The following SLC28A3 variants were observed in gnomAD, a reference collection of about 807,000 sequenced individuals.
SLC28A3 encodes concentrative Na(+)-nucleoside cotransporter 3.
A neutral mutation model predicts 84.2 loss-of-function variants in SLC28A3; 68 were observed. The observed-to-expected ratio is 0.81, with a 90% CI of 0.66 to 0.99. The LOEUF (loss-of-function observed/expected upper bound fraction) is 0.99. Ranked by LOEUF, SLC28A3 falls within the 50% of genes least tolerant of loss-of-function variation. SLC28A3 has a pLI of 0.00. For synonymous variants in SLC28A3, 267 were observed against 303.6 expected, an observed-to-expected ratio of 0.88 and a Z score of 1.25; for missense variants, 712 against 841.5, an observed-to-expected ratio of 0.85 and a Z score of 1.90.
intron 15 of SLC28A3, 120 bp downstream of exon 15, chr9:84,280,681 G>A (rs751528997): frequency 5.6e-6 from 5 of 900,070 alleles, no homozygotes; most frequent in Non-Finnish European, 8.7e-6. Context: ...ATAGACCCCA[G>A]AGGACTCATG....
chr9:84,298,766 G>A (rs1274573344), intron 6 of SLC28A3, among the ~76,000 whole-genome samples: 2 of 152,160 alleles, frequency 1.3e-5, no homozygotes. Flanking sequence ...CAACCTGTAA[G>A]TGAATTAAGT....
chr9:84,320,291 A>G (rs982971295), intron 1 of SLC28A3, among the ~76,000 whole-genome samples: 4 of 151,844 alleles, frequency 2.6e-5, no homozygotes, highest in Non-Finnish European at 1.5e-5. Flanking sequence ...CTGGCCTCAA[A>G]TAATCCACCT....
intron 1 of SLC28A3, among the ~76,000 whole-genome samples, chr9:84,324,278 C>G (rs997499359): frequency 6.6e-6 from 1 of 152,196 alleles, no homozygotes; most frequent in Non-Finnish European, 1.5e-5. Context: ...AACTAACTTC[C>G]TCCTTGCAAA....
At chr9:84,357,282 T>C in the SLC28A3 span, among the ~76,000 whole-genome samples, 2 of 152,138 alleles carry the variant, frequency 1.3e-5, no homozygotes, top group Non-Finnish European at 2.9e-5. Flanking sequence ...AGTAAAAATA[T>C]GGGGTTTAGG....
At chr9:84,287,790 GC>G (rs1825054785) in intron 12 of SLC28A3, among the ~76,000 whole-genome samples, 1 of 152,096 alleles carries the variant, frequency 6.6e-6, no homozygotes, top group Admixed American at 6.5e-5. Context: ...GGATGTTGAG[GC>G]TGCAGTGAGC....
At position 84,277,639 on chromosome 9, in the gene SLC28A3, A is replaced by G. The variant is rs971201819; in HGVS notation, c.*579T>C. ...CTGACTGATAGAACTCTTAAGCAGA[A>G]TGGATTTAAACCCTGGTTTTGGTAT... On this transcript the variant is annotated 3_prime_UTR_variant, in exon 18 of 18. Coordinates refer to ENST00000376238, the MANE Select transcript of SLC28A3 (RefSeq NM_001199633.2). 7 of 152,346 alleles carry G rather than the reference A, an allele frequency of 4.6e-5. No homozygotes were observed. Among genetic ancestry groups the G allele is most frequent in the African/African-American group, 1.2e-4 (5 of 41,482 alleles). The allele number at this position is 152,346 out of a possible 1,614,324, so 9.4% of individuals were successfully genotyped here.
chr9:84,324,221 T>C (rs1826475026), intron 1 of SLC28A3, among the ~76,000 whole-genome samples: 1 of 152,156 alleles, frequency 6.6e-6, no homozygotes, highest in Admixed American at 6.6e-5. Context: ...ATTAAGCAAT[T>C]TTTCTTTCAA....
At position 84,295,611 on chromosome 9, in the gene SLC28A3, C is replaced by A. The variant is rs567935482; in HGVS notation, c.862-1336G>T. On this transcript the variant is annotated intron_variant, in intron 8 of 17. Transcript: ENST00000376238. Reference sequence around the variant, plus strand: ...AAAACAAACAAACAAACAAACAAAACAAACAAACAAAAAACCATTGCATTT... The same window carrying A: ...AAAACAAACAAACAAACAAACAAAAAAAACAAACAAAAAACCATTGCATTT... 3.8e-3 allele frequency among the ~76,000 whole-genome samples: 548 copies of A among 144,704 alleles called. 6 individuals carry two copies. The highest frequency in any genetic ancestry group is 0.014 in the African/African-American group (508 of 35,882). 94.9% of individuals were successfully genotyped at this position (144,704 alleles called of 152,430 possible).
chr9:84,297,320 A>G, intron 7 of SLC28A3, 22 bp from the exon 8 acceptor site: 2 of 1,590,086 alleles, frequency 1.3e-6, no homozygotes, highest in Non-Finnish European at 1.7e-6. Flanking sequence ...AAAGAAAAAG[A>G]GATTTCATTC....
rs1050248925 is a variant in SLC28A3 at position 84,285,292 on chromosome 9, G to A, written c.1647+53C>T. On this transcript the variant is annotated intron_variant, in intron 14 of 17. Transcript: ENST00000376238. Reference sequence around the variant, plus strand: ...ACACACAGAGGCATAAGTAATAGACGAATGCAGGTATGTGATGAAGAAATG... The same window carrying A: ...ACACACAGAGGCATAAGTAATAGACAAATGCAGGTATGTGATGAAGAAATG... 36 of 1,534,686 alleles carry A rather than the reference G, an allele frequency of 2.3e-5. 1 individual carries two copies. The African/African-American group carries it at 2.9e-4, about 12-fold the overall frequency.
the SLC28A3 span, among the ~76,000 whole-genome samples, chr9:84,345,806 C>G: frequency 1.3e-5 from 2 of 152,184 alleles, no homozygotes; most frequent in Non-Finnish European, 1.5e-5. Context: ...TGAAGCCTAT[C>G]TTTAAGGAGC....
At chr9:84,288,503 T>C (rs1283227019) in intron 11 of SLC28A3, among the ~76,000 whole-genome samples, 3 of 152,152 alleles carry the variant, frequency 2.0e-5, no homozygotes, top group African/African-American at 7.2e-5. Flanking sequence ...TCTACCTCTC[T>C]GTTGCCCTTT....
Position 84,277,968 on chromosome 9 carries a change from T to C in SLC28A3, c.*250A>G. The C allele has an allele frequency of 2.2e-6, 1 of 457,798 alleles. No individual in the cohort carries two copies. The highest frequency in any genetic ancestry group is 3.9e-6 in the Non-Finnish European group (1 of 257,520). 28.4% of individuals were successfully genotyped at this position (457,798 alleles called of 1,614,324 possible). ...TAAAGTCAGAAAATCCCATTGAGAC[T>C]GGAATCAACAACACCTCACTTTGGG... On this transcript the variant is annotated 3_prime_UTR_variant, in exon 18 of 18. Coordinates refer to ENST00000376238, the MANE Select transcript of SLC28A3 (RefSeq NM_001199633.2).
At chr9:84,350,799 C>T in the SLC28A3 span, among the ~76,000 whole-genome samples, 1 of 152,180 alleles carries the variant, frequency 6.6e-6, no homozygotes, top group African/African-American at 2.4e-5. Context: ...GCAACCTCCA[C>T]CTCCCTGGGT....
chr9:84,280,697 T>C, intron 15 of SLC28A3, 104 bp downstream of exon 15: 1 of 1,094,792 alleles, frequency 9.1e-7, no homozygotes, highest in Non-Finnish European at 1.4e-6. Flanking sequence ...TCATGACTGT[T>C]GCAAAGGCCT....
the SLC28A3 span, among the ~76,000 whole-genome samples, chr9:84,364,745 T>C: frequency 6.6e-6 from 1 of 152,118 alleles, no homozygotes; most frequent in African/African-American, 2.4e-5. Context: ...ATTTTTAGAT[T>C]CCACAAATAA....
At position 84,277,262 on chromosome 9, in the gene SLC28A3, T is replaced by C. The variant is rs1477908309; in HGVS notation, c.*956A>G. 1 of 152,218 alleles carries C rather than the reference T, an allele frequency of 6.6e-6. No individual in the cohort carries two copies. The highest frequency in any genetic ancestry group is 1.9e-4 in the East Asian group (1 of 5,202). 9.4% of individuals were successfully genotyped at this position (152,218 alleles called of 1,614,324 possible). On this transcript the variant is annotated 3_prime_UTR_variant, in exon 18 of 18. Coordinates refer to ENST00000376238, the MANE Select transcript of SLC28A3 (RefSeq NM_001199633.2). The stretch of plus-strand genomic sequence containing the variant: ...ACATGGATATTATGTACCCTTATGG[T>C]GTATCATATTACTTCTGCAAAATAT...
the SLC28A3 span, among the ~76,000 whole-genome samples, chr9:84,363,610 G>A: frequency 6.6e-6 from 1 of 152,062 alleles, no homozygotes; most frequent in Non-Finnish European, 1.5e-5. Flanking sequence ...TGGGATTAGG[G>A]CATTTATCAG....
At chr9:84,303,720 G>A (rs1002846672) in intron 4 of SLC28A3, among the ~76,000 whole-genome samples, 2 of 152,190 alleles carry the variant, frequency 1.3e-5, no homozygotes, top group African/African-American at 2.4e-5. Flanking sequence ...CTTGGAGGAT[G>A]CACAGTGAGG....
Sources: gnomAD v4.1 joint callset for allele counts (sites outside exome capture counted in the v4.1 genomes callset) on GRCh38, gnomAD v4.1.1 for gene constraint, MANE v1.5 for transcripts, NCBI Gene and HGNC (gene_info 2026-07-23, HGNC 2026-07-21) for gene names.